Variants in DLG2 observed in about 807,000 individuals in gnomAD.
DLG2 encodes discs large MAGUK scaffold protein 2, also known as disks large homolog 2.
A neutral mutation model predicts 132.5 loss-of-function variants in DLG2; 45 were observed. The observed-to-expected ratio is 0.34, with a 90% CI of 0.27 to 0.44. The LOEUF is 0.44. DLG2 is among the 20% of genes least tolerant of loss of function. DLG2 has a pLI of 1.00. For missense variants in DLG2, 1,045 were observed against 1,196.9 expected (o/e 0.87, Z 1.87); for synonymous variants, 424 against 419.6 (o/e 1.01, Z -0.13).
intron 11 of DLG2, among the ~76,000 whole-genome samples, chr11:84,016,101 T>G (rs1376272996): frequency 6.6e-6 from 1 of 152,170 alleles, no homozygotes; most frequent in Non-Finnish European, 1.5e-5. Context: ...GGTATCTCTT[T>G]GCGGTTTTTA....
intron 3 of DLG2, among the ~76,000 whole-genome samples, chr11:85,446,793 A>G (rs572871206): frequency 2.1e-4 from 31 of 145,200 alleles, no homozygotes; most frequent in African/African-American, 6.0e-4. Flanking sequence ...GATATAGTAT[A>G]TGTGTGTGTG....
intron 3 of DLG2, among the ~76,000 whole-genome samples, chr11:85,502,382 T>G (rs970570549): frequency 3.3e-5 from 5 of 150,096 alleles, no homozygotes; most frequent in African/African-American, 1.2e-4. Context: ...GTAACAAAAC[T>G]GCACGTTCTG....
intron 6 of DLG2, among the ~76,000 whole-genome samples, chr11:84,926,347 A>G (rs1823385281): frequency 6.6e-6 from 1 of 152,082 alleles, no homozygotes; most frequent in Non-Finnish European, 1.5e-5. Flanking sequence ...TTCAACTTTC[A>G]GGAATTTATC....
At chr11:84,192,574 C>CA (rs1481001440) in intron 8 of DLG2, among the ~76,000 whole-genome samples, 2 of 151,604 alleles carry the variant, frequency 1.3e-5, no homozygotes, top group Non-Finnish European at 2.9e-5. Context: ...AATAAAAATA[C>CA]AAAAAATTAG....
At chr11:85,612,113 A>G (rs1001602886) in intron 2 of DLG2, among the ~76,000 whole-genome samples, 1 of 152,258 alleles carries the variant, frequency 6.6e-6, no homozygotes, top group Non-Finnish European at 1.5e-5. Context: ...TTCCTTTAAA[A>G]GTCAGGGTAA....
chr11:84,249,826 C>A (rs1273418558), intron 8 of DLG2, among the ~76,000 whole-genome samples: 2 of 152,172 alleles, frequency 1.3e-5, no homozygotes, highest in African/African-American at 4.8e-5. Context: ...TATTCTTGTT[C>A]AGAAAGATTT....
chr11:84,703,857 G>GATATATATGTGTGTATATATATATAT (rs1555174774), intron 6 of DLG2, among the ~76,000 whole-genome samples: 9 of 102,714 alleles, frequency 8.8e-5, no homozygotes, highest in African/African-American at 3.7e-4. Flanking sequence ...ATGTAGTGAA[G>GATATATATGTGTGTATATATATATAT]ATATATATAT....
chr11:84,777,181 T>G lies in DLG2; in HGVS notation c.358-242450A>C, dbSNP rs556266553. Among the ~76,000 whole-genome samples the G allele has an allele frequency of 7.9e-5, 12 of 151,268 alleles. 1 individual carries two copies. The South Asian group carries it at 2.5e-3, about 32-fold the overall frequency. ...TGTGTTTGACTTTCTGTGTTTCACTTAATGACCTCCAGTTCCATCCATGTT... is the reference window on the plus strand; with the variant it reads ...TGTGTTTGACTTTCTGTGTTTCACTGAATGACCTCCAGTTCCATCCATGTT... On this transcript the variant is annotated intron_variant, in intron 6 of 27. Coordinates refer to ENST00000376104, the MANE Select transcript of DLG2 (RefSeq NM_001142699.3).
At chr11:84,109,357 A>G (rs1364492305) in intron 9 of DLG2, among the ~76,000 whole-genome samples, 2 of 152,160 alleles carry the variant, frequency 1.3e-5, no homozygotes, top group Non-Finnish European at 2.9e-5. Flanking sequence ...TGGAGAAACT[A>G]GGTTATCTGA....
intron 3 of DLG2, among the ~76,000 whole-genome samples, chr11:85,558,818 G>A (rs980171671): frequency 1.3e-5 from 2 of 151,850 alleles, no homozygotes; most frequent in Admixed American, 6.6e-5. Flanking sequence ...GGCAAAGGTT[G>A]AAAACTAACT....
At chr11:85,372,992 C>T (rs1443631457) in intron 3 of DLG2, among the ~76,000 whole-genome samples, 1 of 152,206 alleles carries the variant, frequency 6.6e-6, no homozygotes, top group East Asian at 1.9e-4. Flanking sequence ...TTTCCTTTCT[C>T]TTCCTCGGTT....
At chr11:85,404,716 G>A (rs1035667442) in intron 3 of DLG2, among the ~76,000 whole-genome samples, 3 of 151,946 alleles carry the variant, frequency 2.0e-5, no homozygotes, top group African/African-American at 7.2e-5. Flanking sequence ...CTGCACAGAT[G>A]TTATTAAAAT....
chr11:83,865,709 C>G (rs1356528282), intron 16 of DLG2, among the ~76,000 whole-genome samples: 1 of 152,102 alleles, frequency 6.6e-6, no homozygotes, highest in Non-Finnish European at 1.5e-5. Context: ...ACCGAAGGAA[C>G]AGCAGAACTG....
chr11:84,319,342 G>A (rs937390149), intron 7 of DLG2, among the ~76,000 whole-genome samples: 2 of 152,030 alleles, frequency 1.3e-5, no homozygotes, highest in Non-Finnish European at 2.9e-5. Context: ...AGGATTTGAT[G>A]CAATATGCCA....
intron 6 of DLG2, among the ~76,000 whole-genome samples, chr11:85,096,666 A>G (rs2069851438): frequency 6.6e-6 from 1 of 151,984 alleles, no homozygotes; most frequent in Non-Finnish European, 1.5e-5. Context: ...GATGGGACAC[A>G]TTTTGGCGAC....
In DLG2 at chr11:84,399,116, C is replaced by G. The variant is rs1295559479; in HGVS notation, c.519+135454G>C. On this transcript the variant is annotated intron_variant, in intron 7 of 27. Coordinates refer to ENST00000376104, the MANE Select transcript of DLG2 (RefSeq NM_001142699.3). ...TCATGAGGTACACACATCTCTTAGT[C>G]TAAACAAATATCAGAAACTTCTTAA... Among the ~76,000 whole-genome samples, 15 of 152,192 alleles carry G rather than the reference C, an allele frequency of 9.9e-5. No homozygotes were observed. In the East Asian group the frequency reaches 2.7e-3, roughly 27 times the overall value.
chr11:85,052,536 T>C (rs896245089), intron 6 of DLG2, among the ~76,000 whole-genome samples: 20 of 152,232 alleles, frequency 1.3e-4, no homozygotes, highest in African/African-American at 4.3e-4. Flanking sequence ...TGGTAATGAA[T>C]TTATAAGATA....
chr11:85,155,934 G>T (rs2077559109), intron 4 of DLG2, among the ~76,000 whole-genome samples: 1 of 151,990 alleles, frequency 6.6e-6, no homozygotes, highest in African/African-American at 2.4e-5. Flanking sequence ...TGCAGGCTAG[G>T]ACAGCTCCCA....
intron 9 of DLG2, among the ~76,000 whole-genome samples, chr11:84,136,895 A>G (rs2094622449): frequency 6.6e-6 from 1 of 152,158 alleles, no homozygotes; most frequent in South Asian, 2.1e-4. Context: ...AAAATGTCTC[A>G]CTGCATTTTT....
Sources: allele counts gnomAD v4.1 joint callset (sites outside exome capture counted in the v4.1 genomes callset), GRCh38; gene constraint gnomAD v4.1.1; transcripts MANE v1.5; gene names NCBI Gene and HGNC (gene_info 2026-07-23, HGNC 2026-07-21).